Variants in HSP90B1 observed in about 807,000 individuals in gnomAD.
HSP90B1 encodes endoplasmin.
HSP90B1 carries 27 observed loss-of-function variants against 100.4 expected under a neutral mutation model. That is an observed-to-expected ratio of 0.27 (90% CI 0.20 to 0.37). The LOEUF (loss-of-function observed/expected upper bound fraction) is 0.37, where lower values mean the gene tolerates loss of function less well. Ranked by LOEUF, HSP90B1 falls within the 10% of genes least tolerant of loss-of-function variation. HSP90B1 has a pLI of 1.00. For missense variants in HSP90B1, 678 were observed against 960.5 expected, an observed-to-expected ratio of 0.71 and a Z score of 3.89; for synonymous variants, 304 against 330.8, an observed-to-expected ratio of 0.92 and a Z score of 0.88.
Position 103,943,061 on chromosome 12 carries a change from C to A in HSP90B1, c.1645-13C>A. 2.5e-6 allele frequency: 4 copies of A among 1,612,706 alleles called. No individual in the cohort carries two copies. Among genetic ancestry groups the A allele is most frequent in the Non-Finnish European group, 2.5e-6 (3 of 1,179,342 alleles). ...CCAGACTTGGAAAACTTTGTGACTT[C>A]TTAATTTTGTAGGCTGAATCTTCTC... On this transcript the variant is annotated splice_polypyrimidine_tract_variant and intron_variant, in intron 12 of 17. Transcript: ENST00000299767. The surrounding 1 kb of genome is among the most constrained non-coding windows in gnomAD (Gnocchi z 5.3).
chr12:103,937,511 T>G (rs984115627), intron 5 of HSP90B1, among the ~76,000 whole-genome samples, 184 bp from the exon 6 acceptor site: 1 of 152,362 alleles, frequency 6.6e-6, no homozygotes, highest in African/African-American at 2.4e-5. Flanking sequence ...GATTCTTCTC[T>G]TTACTGTATC....
intron 8 of HSP90B1, 112 bp downstream of exon 8, chr12:103,939,737 A>T: frequency 1.9e-6 from 1 of 528,792 alleles, no homozygotes; most frequent in Non-Finnish European, 3.4e-6. Context: ...GTCCATTCCC[A>T]TTTTTTCCCA....
At chr12:103,932,501 T>A in intron 3 of HSP90B1, 83 bp downstream of exon 3, 1 of 1,213,580 alleles carries the variant, frequency 8.2e-7, no homozygotes, top group Non-Finnish European at 1.2e-6. Flanking sequence ...ACTGCAAAAG[T>A]AATGTAGTAT....
chr12:103,936,622 CAAAAAAAA>C (rs10611658), intron 5 of HSP90B1, among the ~76,000 whole-genome samples: 3 of 116,822 alleles, frequency 2.6e-5, no homozygotes, highest in African/African-American at 6.4e-5. Context: ...GACAGAGGTC[CAAAAAAAA>C]AAAAAAAAAA....
Position 103,943,795 on chromosome 12 carries a change from A to G in HSP90B1, c.1948A>G (p.Ser650Gly). Residue 650 changes from serine to glycine, a missense_variant, in exon 14 of 18, where the codon AGC becomes GGC. By Grantham distance (56) the Ser-to-Gly change is moderately conservative (BLOSUM62 0). Around this residue, in one of 8 missense-constraint regions of HSP90B1, gnomAD observed 170 missense variants for 236.7 expected, o/e 0.72. Transcript: ENST00000299767. This position sits in a 1 kb window ranked among gnomAD's most constrained non-coding sequence, Gnocchi z 5.3. ...AGAATCTCCGTGTGCTTTGGTGGCC[A>G]GCCAGTACGGATGGTCTGGCAACAT... ...LTESPCALVA[S>G]QYGWSGNMER... 6.2e-7 allele frequency: 1 copy of G among 1,614,174 alleles called. No individual in the cohort carries two copies. The highest frequency in any genetic ancestry group is 8.5e-7 in the Non-Finnish European group (1 of 1,180,000).
In HSP90B1 at chr12:103,941,639, G is replaced by A. The variant is rs535356548; in HGVS notation, c.1241G>A (p.Arg414His). ...KKSDYIKLYV[R>H]RVFITDDFHD... ...TTTTGGTCTCTTTAGCTCTATGTGC[G>A]CCGTGTATTCATCACAGACGACTTC... The change falls in exon 10 of 18, where the codon CGC becomes CAC. Residue 414 changes from arginine (R) to histidine (H), a missense_variant. Physicochemically the swap from Arg to His is conservative, Grantham distance 29. This residue lies in a region of HSP90B1 where 44 missense variants were observed against 110.8 expected (regional missense o/e 0.40). Coordinates refer to ENST00000299767, the MANE Select transcript of HSP90B1 (RefSeq NM_003299.3). The A allele has an allele frequency of 1.2e-5, 19 of 1,613,912 alleles. No homozygotes were observed. The highest frequency in any genetic ancestry group is 2.2e-5 in the East Asian group (1 of 44,896).
In HSP90B1 at chr12:103,930,881, C is replaced by G. The variant is rs1390987619; in HGVS notation, c.49+317C>G. ...TGCGAGTCCCTCCCCCCTCCCCGCC[C>G]GGAGGACTTTTTCGGCCACCGCAAC... On this transcript the variant is annotated intron_variant, in intron 1 of 17. Transcript: ENST00000299767. This position sits in a 1 kb window ranked among gnomAD's most constrained non-coding sequence, Gnocchi z 4.4. 1.3e-5 allele frequency among the ~76,000 whole-genome samples: 2 copies of G among 150,958 alleles called. No homozygotes were observed.
intron 14 of HSP90B1, among the ~76,000 whole-genome samples, chr12:103,946,153 T>C (rs533870149): frequency 1.6e-4 from 24 of 152,284 alleles, no homozygotes; most frequent in African/African-American, 5.5e-4. Context: ...CTGTATTGGG[T>C]TTTTTATTTT....
chr12:103,932,138 A>C, intron 2 of HSP90B1, 139 bp from the exon 3 acceptor site: 1 of 599,330 alleles, frequency 1.7e-6, no homozygotes, highest in Non-Finnish European at 2.9e-6. Flanking sequence ...ATGAGACGGT[A>C]TATCAGTTAT....
Position 103,930,637 on chromosome 12 carries a change from G to A in HSP90B1, c.49+73G>A, listed in dbSNP as rs2136211493. The A allele has an allele frequency of 5.5e-6, 8 of 1,464,662 alleles. No individual in the cohort carries two copies. Among genetic ancestry groups the A allele is most frequent in the South Asian group, 4.9e-5 (4 of 80,990 alleles). The allele number at this position is 1,464,662 out of a possible 1,614,324, so 90.7% of individuals were successfully genotyped here. ...GCTTCTCGAAGGTCCTGGGGGCGTTGAACGTGGGAGGGGGGATCCCGGGGC... is the reference window on the plus strand; with the variant it reads ...GCTTCTCGAAGGTCCTGGGGGCGTTAAACGTGGGAGGGGGGATCCCGGGGC... On this transcript the variant is annotated intron_variant, in intron 1 of 17. Coordinates refer to ENST00000299767, the MANE Select transcript of HSP90B1 (RefSeq NM_003299.3). This position sits in a 1 kb window ranked among gnomAD's most constrained non-coding sequence, Gnocchi z 4.4.
At chr12:103,946,513 T>G (rs1870237977) in intron 14 of HSP90B1, 105 bp from the exon 15 acceptor site, 2 of 799,038 alleles carry the variant, frequency 2.5e-6, no homozygotes, top group Non-Finnish European at 4.1e-6. Flanking sequence ...TTTGATTTTT[T>G]TTTTTTACCA....
Position 103,939,218 on chromosome 12 carries a change from G to T in HSP90B1, c.976-291G>T, listed in dbSNP as rs151307201. On this transcript the variant is annotated intron_variant, in intron 7 of 17. Transcript: ENST00000299767. ...AGGCTTAAGCAGTCCTTTCACCTCAGCCTCCCAAGTAGCTAGGACCACAGA... is the reference window on the plus strand; with the variant it reads ...AGGCTTAAGCAGTCCTTTCACCTCATCCTCCCAAGTAGCTAGGACCACAGA... 9.7e-3 allele frequency among the ~76,000 whole-genome samples: 1,479 copies of T among 151,892 alleles called. 9 individuals carry two copies. Among genetic ancestry groups the T allele is most frequent in the Non-Finnish European group, 0.013 (911 of 67,956 alleles).
intron 2 of HSP90B1, 91 bp downstream of exon 2, chr12:103,931,714 C>T: frequency 1.1e-6 from 1 of 908,530 alleles, no homozygotes; most frequent in Non-Finnish European, 1.8e-6. Flanking sequence ...TCCAAAGGTC[C>T]AGATAAAGTC....
intron 5 of HSP90B1, among the ~76,000 whole-genome samples, chr12:103,936,737 T>C (rs10861147): frequency 0.44 from 67,227 of 151,890 alleles, 15,387 homozygotes; most frequent in Non-Finnish European, 0.47. Context: ...TGTGTTCATG[T>C]GTTTAATTGC....
chr12:103,944,524 T>G (rs1870169072), intron 14 of HSP90B1, among the ~76,000 whole-genome samples: 1 of 152,168 alleles, frequency 6.6e-6, no homozygotes, highest in Non-Finnish European at 1.5e-5. Context: ...TATCTAGTCA[T>G]CATCCTTTTT....
chr12:103,936,920 G>T (rs1869936844), intron 5 of HSP90B1, among the ~76,000 whole-genome samples: 1 of 152,130 alleles, frequency 6.6e-6, no homozygotes, highest in South Asian at 2.1e-4. Flanking sequence ...AAACTAATGA[G>T]CCTTTTGAGA....
chr12:103,936,237 A>C (rs1303035919), intron 5 of HSP90B1, among the ~76,000 whole-genome samples: 1 of 152,226 alleles, frequency 6.6e-6, no homozygotes, highest in Non-Finnish European at 1.5e-5. Flanking sequence ...AGATAAAAGA[A>C]AACAACAAGA....
Position 103,943,501 on chromosome 12 carries a change from C to G in HSP90B1, c.1890+182C>G. 1 of 694,150 alleles carries G rather than the reference C, an allele frequency of 1.4e-6. No individual in the cohort carries two copies. Among genetic ancestry groups the G allele is most frequent in the East Asian group, 2.8e-5 (1 of 35,820 alleles). 43.0% of individuals were successfully genotyped at this position (694,150 alleles called of 1,614,324 possible). A position where few individuals can be genotyped will look rare whatever the true frequency, so the allele number is the denominator to read the frequency against. On this transcript the variant is annotated intron_variant, in intron 13 of 17. Coordinates refer to ENST00000299767, the MANE Select transcript of HSP90B1 (RefSeq NM_003299.3). The surrounding 1 kb of genome is among the most constrained non-coding windows in gnomAD (Gnocchi z 5.3). Reference sequence around the variant, plus strand: ...TTCGACAATACTGCTTTGTTAATAACTTGTTACAAATTAAATTTTATGTTT... The same window carrying G: ...TTCGACAATACTGCTTTGTTAATAAGTTGTTACAAATTAAATTTTATGTTT...
intron 5 of HSP90B1, 67 bp downstream of exon 5, chr12:103,934,354 T>A: frequency 1.6e-6 from 2 of 1,249,174 alleles, no homozygotes; most frequent in Admixed American, 2.1e-5. Flanking sequence ...CCAGTTCTAT[T>A]CTCTGAGCAA....
Sources: gnomAD v4.1 joint callset for allele counts (sites outside exome capture counted in the v4.1 genomes callset) on GRCh38, gnomAD v4.1.1 for gene constraint, gnomAD v4.1.1 regional missense constraint, Gnocchi (gnomAD v3.1) non-coding constraint, MANE v1.5 for transcripts, NCBI Gene and HGNC (gene_info 2026-07-23, HGNC 2026-07-21) for gene names.